MEIS2: variants seen among roughly 807,000 people sequenced by gnomAD.
MEIS2 encodes the protein homeobox protein Meis2.
A neutral mutation model predicts 58.6 loss-of-function variants in MEIS2; 9 were observed. That is an observed-to-expected ratio of 0.15 (90% CI 0.09 to 0.27). The LOEUF (loss-of-function observed/expected upper bound fraction) is 0.27, where lower values mean the gene tolerates loss of function less well. MEIS2 is among the 10% of genes least tolerant of loss of function. The pLI is 1.00. For missense variants in MEIS2, 427 were observed against 635.0 expected (o/e 0.67, Z 3.52); for synonymous variants, 221 against 228.4 (o/e 0.97, Z 0.29).
intron 8 of MEIS2, among the ~76,000 whole-genome samples, chr15:36,961,515 C>T (rs59434688): frequency 0.12 from 18,566 of 151,948 alleles, 1,228 homozygotes; most frequent in African/African-American, 0.18. Context: ...TGGAAACTTA[C>T]GGACTAAAAG....
chr15:37,083,868 T>C lies in MEIS2; in HGVS notation c.657A>G (p.Arg219=), dbSNP rs1041428405. 6 of 1,613,972 alleles carry C rather than the reference T, an allele frequency of 3.7e-6. No individual in the cohort carries two copies. In the Admixed American group the frequency reaches 6.7e-5, roughly 18 times the overall value. Residue 219 remains arginine (R), a synonymous_variant, in exon 7 of 12, where the codon CGA becomes CGG. Coordinates refer to ENST00000561208, the MANE Select transcript of MEIS2 (RefSeq NM_170675.5). ...NLADHNPSSW[R]DHDDATSTHS... ...GGGTTGAGGTTGCATCATCGTGGTC[T>C]CGCCAAGAAGAAGGGTTCTGATGTC...
rs1477799568 is a variant in MEIS2 at position 37,043,802 on chromosome 15, T to C, written c.755-6843A>G. ...TCCCTGGTTCAAGCGATTCTCCTGC[T>C]TCAGCCTCCCGAGTAGCTAGGATTA... On this transcript the variant is annotated intron_variant, in intron 7 of 11. Transcript: ENST00000561208. Among the ~76,000 whole-genome samples, 4 of 151,430 alleles carry C rather than the reference T, an allele frequency of 2.6e-5. No homozygotes were observed. The East Asian group carries it at 5.9e-4, about 22-fold the overall frequency.
chr15:37,068,340 A>G (rs1890237268), intron 7 of MEIS2, among the ~76,000 whole-genome samples: 1 of 152,208 alleles, frequency 6.6e-6, no homozygotes, highest in Non-Finnish European at 1.5e-5. Context: ...TGACTACTCA[A>G]TTCTACCTAA....
intron 7 of MEIS2, among the ~76,000 whole-genome samples, chr15:37,053,811 G>A (rs1490922285): frequency 1.3e-5 from 2 of 152,110 alleles, no homozygotes; most frequent in Non-Finnish European, 2.9e-5. Context: ...TCAACCACAA[G>A]ACATGATAGG....
intron 8 of MEIS2, among the ~76,000 whole-genome samples, chr15:36,963,509 G>A (rs949865715): frequency 1.3e-5 from 2 of 152,266 alleles, no homozygotes; most frequent in East Asian, 3.9e-4. Flanking sequence ...GTCAGTTCAG[G>A]TATTTGTAGG....
At chr15:37,014,545 T>C (rs2061278111) in intron 8 of MEIS2, among the ~76,000 whole-genome samples, 1 of 152,188 alleles carries the variant, frequency 6.6e-6, no homozygotes, top group Admixed American at 6.5e-5. Flanking sequence ...TCTGACACAA[T>C]CATCCTAAAC....
chr15:37,077,192 T>C (rs2141893178), intron 7 of MEIS2, among the ~76,000 whole-genome samples: 1 of 152,214 alleles, frequency 6.6e-6, no homozygotes, highest in African/African-American at 2.4e-5. Flanking sequence ...AATACCCTGA[T>C]CCGTGTGAGG....
chr15:37,050,087 C>T (rs1208718165), intron 7 of MEIS2, among the ~76,000 whole-genome samples: 1 of 151,984 alleles, frequency 6.6e-6, no homozygotes, highest in Non-Finnish European at 1.5e-5. Flanking sequence ...TAAAATTAAT[C>T]CTTCTCCACT....
At chr15:36,981,984 C>T (rs2059940801) in intron 8 of MEIS2, among the ~76,000 whole-genome samples, 1 of 152,096 alleles carries the variant, frequency 6.6e-6, no homozygotes, top group South Asian at 2.1e-4. Flanking sequence ...ACATGTTGAA[C>T]TGGGAGTTAC....
chr15:37,020,256 C>T (rs1033917823), intron 8 of MEIS2, among the ~76,000 whole-genome samples: 7 of 152,014 alleles, frequency 4.6e-5, no homozygotes, highest in Non-Finnish European at 7.4e-5. Context: ...TCTGACAAAC[C>T]GGGAAATGAG....
chr15:36,973,694 A>T (rs1036754862), intron 8 of MEIS2, among the ~76,000 whole-genome samples: 2 of 152,184 alleles, frequency 1.3e-5, no homozygotes, highest in African/African-American at 4.8e-5. Context: ...AAAGAGGATG[A>T]CTGGAGTAAT....
chr15:36,927,269 T>C (rs1439074128), intron 9 of MEIS2, among the ~76,000 whole-genome samples: 1 of 151,882 alleles, frequency 6.6e-6, no homozygotes, highest in African/African-American at 2.4e-5. Context: ...GGGGGTCTGA[T>C]GTAAGGGAGC....
At chr15:36,960,713 C>G (rs2059151195) in intron 8 of MEIS2, among the ~76,000 whole-genome samples, 1 of 152,070 alleles carries the variant, frequency 6.6e-6, no homozygotes, top group Non-Finnish European at 1.5e-5. Context: ...GAAAGGCAGG[C>G]TCAAAACAGC....
intron 8 of MEIS2, among the ~76,000 whole-genome samples, chr15:37,012,326 A>G (rs1322331345): frequency 3.3e-5 from 5 of 152,206 alleles, no homozygotes; most frequent in African/African-American, 7.2e-5. Context: ...GTCCTTTCCC[A>G]GTGGTATGGC....
At chr15:37,063,669 C>CT (rs1214518778) in intron 7 of MEIS2, among the ~76,000 whole-genome samples, 1 of 152,240 alleles carries the variant, frequency 6.6e-6, no homozygotes, top group East Asian at 1.9e-4. Flanking sequence ...TGATCTAGCA[C>CT]TTTTTTCTGT....
chr15:36,938,953 C>A (rs1034673013), intron 9 of MEIS2, among the ~76,000 whole-genome samples: 1 of 152,168 alleles, frequency 6.6e-6, no homozygotes, highest in Non-Finnish European at 1.5e-5. Context: ...GTCCCCGCTG[C>A]AGCTCTGTGG....
intron 9 of MEIS2, among the ~76,000 whole-genome samples, chr15:36,916,300 G>A (rs1264075700): frequency 5.9e-5 from 9 of 151,880 alleles, no homozygotes; most frequent in Admixed American, 2.6e-4. Context: ...GGTGGCGGGC[G>A]CCTGCAGTCC....
intron 1 of MEIS2, 121 bp from the exon 2 acceptor site, chr15:37,098,320 T>C (rs1596140410): frequency 7.9e-7 from 1 of 1,259,490 alleles, no homozygotes; most frequent in East Asian, 3.2e-5. Context: ...GGGATAAAGA[T>C]GAGAGAGAGG....
At chr15:37,025,706 A>G (rs547256547) in intron 8 of MEIS2, among the ~76,000 whole-genome samples, 7 of 151,922 alleles carry the variant, frequency 4.6e-5, no homozygotes, top group Admixed American at 3.9e-4. Context: ...GTACAAGTAC[A>G]TAAGGACCAA....
Sources: gnomAD v4.1 joint callset for allele counts (sites outside exome capture counted in the v4.1 genomes callset) on GRCh38, gnomAD v4.1.1 for gene constraint, MANE v1.5 for transcripts, NCBI Gene and HGNC (gene_info 2026-07-23, HGNC 2026-07-21) for gene names.